GRIN2D: variants seen among roughly 807,000 people sequenced by gnomAD.
GRIN2D encodes glutamate ionotropic receptor NMDA type subunit 2D, also known as glutamate receptor ionotropic, NMDA 2D.
GRIN2D carries 37 observed loss-of-function variants against 103.2 expected under a neutral mutation model. The observed-to-expected ratio is 0.36, with a 90% confidence interval of 0.28 to 0.47. The LOEUF is 0.47. Among genes scored for constraint, GRIN2D ranks in the 20% least tolerant of loss-of-function variants. The pLI, the probability that GRIN2D is intolerant of heterozygous loss-of-function variation, is 1.00. For synonymous variants in GRIN2D, 845 were observed against 885.6 expected (o/e 0.95, Z 0.81); for missense variants, 1,557 against 1,910.6 (o/e 0.81, Z 3.45).
chr19:48,402,962 G>C (rs1188522478), intron 3 of GRIN2D, among the ~76,000 whole-genome samples: 6 of 152,032 alleles, frequency 3.9e-5, no homozygotes, highest in African/African-American at 1.4e-4. Flanking sequence ...ACTTTGGGAA[G>C]CCGAGGCAGG....
chr19:48,417,040 C>T (rs1349854086), intron 8 of GRIN2D, among the ~76,000 whole-genome samples: 7 of 152,094 alleles, frequency 4.6e-5, no homozygotes, highest in African/African-American at 1.4e-4. Flanking sequence ...CCACTGCACC[C>T]GGACAAGGGT....
Position 48,444,211 on chromosome 19 carries a change from A to C in GRIN2D, c.*274A>C. 2 of 315,510 alleles carry C rather than the reference A, an allele frequency of 6.3e-6. No individual in the cohort carries two copies. Among genetic ancestry groups the C allele is most frequent in the African/African-American group, 2.2e-5 (1 of 46,506 alleles). The allele number at this position is 315,510 out of a possible 1,614,324, so 19.5% of individuals were successfully genotyped here. On this transcript the variant is annotated 3_prime_UTR_variant, in exon 14 of 14. Transcript: ENST00000263269. The surrounding 1 kb of genome is among the most constrained non-coding windows in gnomAD (Gnocchi z 5.5). ...AACCCGACAAGGGCTTTTTAACGTC[A>C]CCAGATGGGGCGGGAGGTGGGGGGT...
intron 11 of GRIN2D, among the ~76,000 whole-genome samples, chr19:48,427,905 AGGCTAGGCATCCT>A (rs1291842596): frequency 2.0e-5 from 3 of 152,060 alleles, no homozygotes; most frequent in Admixed American, 6.6e-5. Flanking sequence ...ATAGTCCTGG[AGGCTAGGCATCCT>A]CTTGGCTCCT....
chr19:48,442,049 G>A lies in GRIN2D; in HGVS notation c.2440+93G>A. The stretch of plus-strand genomic sequence containing the variant: ...AAAGGGACAAAGACCCGGACACCAG[G>A]GTCTGAGGGAGGAAGGGGCTAAGGG... On this transcript the variant is annotated intron_variant, in intron 12 of 13. Coordinates refer to ENST00000263269, the MANE Select transcript of GRIN2D (RefSeq NM_000836.4). This position sits in a 1 kb window ranked among gnomAD's most constrained non-coding sequence, Gnocchi z 7.2. 1 of 1,508,456 alleles carries A rather than the reference G, an allele frequency of 6.6e-7. No individual in the cohort carries two copies. The allele number at this position is 1,508,456 out of a possible 1,614,324, so 93.4% of individuals were successfully genotyped here.
At chr19:48,427,565 C>T (rs959793990) in intron 11 of GRIN2D, among the ~76,000 whole-genome samples, 3 of 147,604 alleles carry the variant, frequency 2.0e-5, no homozygotes, top group East Asian at 2.0e-4. Flanking sequence ...CTACAACCTC[C>T]GCCTCCTGGG....
At chr19:48,420,289 G>T (rs545632615) in intron 10 of GRIN2D, among the ~76,000 whole-genome samples, 1 of 151,824 alleles carries the variant, frequency 6.6e-6, no homozygotes, top group African/African-American at 2.4e-5. Flanking sequence ...TTAGCCGGGC[G>T]TGGTGACAGG....
intron 3 of GRIN2D, among the ~76,000 whole-genome samples, chr19:48,399,892 G>T (rs1026341111): frequency 8.6e-5 from 13 of 151,260 alleles, no homozygotes; most frequent in African/African-American, 2.2e-4. Context: ...GGCGGGGCCA[G>T]CGAGGGGCGG....
At chr19:48,412,461 G>T (rs1970880517) in intron 4 of GRIN2D, among the ~76,000 whole-genome samples, 1 of 149,680 alleles carries the variant, frequency 6.7e-6, no homozygotes, top group Admixed American at 6.7e-5. Context: ...AAGAAAGAAA[G>T]AAAGAAAGAA....
intron 7 of GRIN2D, among the ~76,000 whole-genome samples, chr19:48,415,354 AG>A (rs1220047795): frequency 1.3e-5 from 2 of 151,698 alleles, no homozygotes; most frequent in African/African-American, 4.9e-5. Context: ...CTGGGCACAG[AG>A]TGAGACTCAG....
intron 4 of GRIN2D, among the ~76,000 whole-genome samples, chr19:48,412,865 T>C (rs1293125590): frequency 2.1e-5 from 3 of 140,568 alleles, no homozygotes; most frequent in African/African-American, 8.0e-5. Context: ...GCATGGTGGC[T>C]CATGCCTGTA....
At chr19:48,422,440 G>T (rs1318594432) in intron 11 of GRIN2D, among the ~76,000 whole-genome samples, 1 of 151,852 alleles carries the variant, frequency 6.6e-6, no homozygotes, top group Non-Finnish European at 1.5e-5. Flanking sequence ...GTGAAACCTG[G>T]TCTCTACAAA....
intron 11 of GRIN2D, among the ~76,000 whole-genome samples, chr19:48,425,794 G>A (rs1971078935): frequency 6.6e-6 from 1 of 151,608 alleles, no homozygotes; most frequent in Non-Finnish European, 1.5e-5. Flanking sequence ...TTTTTTTATT[G>A]AGATATATAC....
rs775864828 is a variant in GRIN2D, at chr19:48,416,173, G to GA, written c.1735+19dup. The GA allele has an allele frequency of 1.3e-5, 21 of 1,612,040 alleles. No homozygotes were observed. Among genetic ancestry groups the GA allele is most frequent in the Non-Finnish European group, 1.6e-5 (19 of 1,179,258 alleles). On this transcript the variant is annotated intron_variant, in intron 8 of 13. Coordinates refer to ENST00000263269, the MANE Select transcript of GRIN2D (RefSeq NM_000836.4). The stretch of plus-strand genomic sequence containing the variant: ...CTTCCTCGGTAATCTGGGGCCCTGG[G>GA]ACAGGGAGCTAGCCCTAGGCAAAGT...
chr19:48,398,857 G>T lies in GRIN2D; in HGVS notation c.465G>T (p.Lys155Asn). 7.5e-7 allele frequency: 1 copy of T among 1,332,638 alleles called. No individual in the cohort carries two copies. The highest frequency in any genetic ancestry group is 1.9e-5 in the South Asian group (1 of 53,352). The allele number at this position is 1,332,638 out of a possible 1,614,324, so 82.6% of individuals were successfully genotyped here. Reference protein sequence around the residue: ...HGGAALVLTPKEKGSTFLQLG... With the variant: ...HGGAALVLTPNEKGSTFLQLG... The stretch of plus-strand genomic sequence containing the variant: ...GCGCCGCGCTCGTGCTCACGCCCAA[G>T]GTGCGCGCGACCGGGGCGGGGCGGG... The change falls in exon 3 of 14, where the codon AAG becomes AAT. Residue 155 changes from lysine (K) to asparagine (N), a missense_variant and splice_region_variant. By Grantham distance (94) the Lys-to-Asn change is moderately conservative. Around this residue, in one of 7 missense-constraint regions of GRIN2D, gnomAD observed 490 missense variants for 601.1 expected, o/e 0.82. Transcript: ENST00000263269.
In GRIN2D at chr19:48,444,767, C is replaced by G. The variant is rs1412949898; in HGVS notation, c.*830C>G. On this transcript the variant is annotated 3_prime_UTR_variant, in exon 14 of 14. Transcript: ENST00000263269. This position sits in a 1 kb window ranked among gnomAD's most constrained non-coding sequence, Gnocchi z 5.5. ...TATTTGCGACCCTTCAGTGATGACC[C>G]AGCAGACCTCCAAAAAGCCTCCTCT... The G allele has an allele frequency of 1.3e-5, 2 of 152,506 alleles. No individual in the cohort carries two copies. Among genetic ancestry groups the G allele is most frequent in the Admixed American group, 1.3e-4 (2 of 15,296 alleles). The allele number at this position is 152,506 out of a possible 1,614,324, so 9.4% of individuals were successfully genotyped here.
At chr19:48,402,455 T>C (rs966339515) in intron 3 of GRIN2D, among the ~76,000 whole-genome samples, 1 of 151,892 alleles carries the variant, frequency 6.6e-6, no homozygotes, top group Non-Finnish European at 1.5e-5. Context: ...CGGTGGCTCA[T>C]GCCTGTAATC....
rs534537944 is a variant in GRIN2D at position 48,444,351 on chromosome 19, T to C, written c.*414T>C. The C allele has an allele frequency of 2.6e-4, 42 of 159,978 alleles. No individual in the cohort carries two copies. Among genetic ancestry groups the C allele is most frequent in the African/African-American group, 7.9e-4 (33 of 41,798 alleles). 9.9% of individuals were successfully genotyped at this position (159,978 alleles called of 1,614,324 possible). A position where few individuals can be genotyped will look rare whatever the true frequency, so the allele number is the denominator to read the frequency against. ...AAGCCCGTTTTTAACCTTTCATCCATTGGGACTCAAAACTGTGAGACGCGT... is the reference window on the plus strand; with the variant it reads ...AAGCCCGTTTTTAACCTTTCATCCACTGGGACTCAAAACTGTGAGACGCGT... On this transcript the variant is annotated 3_prime_UTR_variant, in exon 14 of 14. Transcript: ENST00000263269. This position sits in a 1 kb window ranked among gnomAD's most constrained non-coding sequence, Gnocchi z 5.5.
chr19:48,433,670 T>C (rs1360467627), intron 11 of GRIN2D, among the ~76,000 whole-genome samples: 1 of 152,138 alleles, frequency 6.6e-6, no homozygotes, highest in Non-Finnish European at 1.5e-5. Context: ...ATGTGCAATT[T>C]CTCACTCACT....
rs977193952 is a variant in GRIN2D, at chr19:48,416,160, T to C, written c.1735+5T>C. On this transcript the variant is annotated splice_donor_5th_base_variant and intron_variant, in intron 8 of 13. Transcript: ENST00000263269. ...TGTCCCCCTCGGCCTTCCTCGGTAA[T>C]CTGGGGCCCTGGGACAGGGAGCTAG... The C allele has an allele frequency of 6.2e-7, 1 of 1,612,952 alleles. No homozygotes were observed. The highest frequency in any genetic ancestry group is 1.3e-5 in the African/African-American group (1 of 74,870).
Sources: gnomAD v4.1 joint callset for allele counts (sites outside exome capture counted in the v4.1 genomes callset) on GRCh38, gnomAD v4.1.1 for gene constraint, gnomAD v4.1.1 regional missense constraint, Gnocchi (gnomAD v3.1) non-coding constraint, MANE v1.5 for transcripts, NCBI Gene and HGNC (gene_info 2026-07-23, HGNC 2026-07-21) for gene names.